The following CNTNAP2 variants were observed in gnomAD, a reference collection of about 807,000 sequenced individuals.
The protein encoded by CNTNAP2 is contactin-associated protein-like 2.
Under a neutral mutation model 155.2 loss-of-function variants are expected in CNTNAP2, and 98 were observed. The ratio of observed to expected loss-of-function variants is 0.63; its 90% CI spans 0.54 to 0.75. CNTNAP2 has a LOEUF of 0.75. CNTNAP2 is among the 30% of genes least tolerant of loss of function. The pLI is 0.00. For synonymous variants in CNTNAP2, 651 were observed against 631.2 expected, an observed-to-expected ratio of 1.03 and a Z score of -0.47; for missense variants, 1,727 against 1,688.1, an observed-to-expected ratio of 1.02 and a Z score of -0.40.
intron 13 of CNTNAP2, among the ~76,000 whole-genome samples, chr7:147,652,305 T>C (rs1795461126): frequency 6.6e-6 from 1 of 152,200 alleles, no homozygotes; most frequent in Admixed American, 6.5e-5. Flanking sequence ...ATGACCTTCA[T>C]CCCGTATCTT....
At chr7:148,037,366 G>C (rs1438849634) in intron 15 of CNTNAP2, among the ~76,000 whole-genome samples, 1 of 152,208 alleles carries the variant, frequency 6.6e-6, no homozygotes, top group East Asian at 1.9e-4. Context: ...AAGGCAGATA[G>C]TATGTGTATC....
At chr7:147,179,328 T>C (rs1420514703) in intron 8 of CNTNAP2, among the ~76,000 whole-genome samples, 1 of 152,186 alleles carries the variant, frequency 6.6e-6, no homozygotes, top group Non-Finnish European at 1.5e-5. Context: ...TTCAAGATTA[T>C]TGAAAGTGGT....
At chr7:148,365,663 T>C (rs754207331) in intron 21 of CNTNAP2, among the ~76,000 whole-genome samples, 7 of 147,588 alleles carry the variant, frequency 4.7e-5, no homozygotes, top group Non-Finnish European at 1.1e-4. Flanking sequence ...AGACTCCATC[T>C]CATATATACT....
chr7:147,738,808 C>A (rs1244789567), intron 13 of CNTNAP2, among the ~76,000 whole-genome samples: 2 of 151,946 alleles, frequency 1.3e-5, no homozygotes, highest in Non-Finnish European at 2.9e-5. Context: ...GCATGTGCCA[C>A]CGTGCACAGC....
At chr7:147,472,883 C>G (rs1208484981) in intron 10 of CNTNAP2, among the ~76,000 whole-genome samples, 1 of 152,124 alleles carries the variant, frequency 6.6e-6, no homozygotes, top group Admixed American at 6.6e-5. Flanking sequence ...TCTGATACCT[C>G]TAAGTGATTA....
At chr7:147,398,852 A>G (rs971759018) in intron 10 of CNTNAP2, among the ~76,000 whole-genome samples, 7 of 150,990 alleles carry the variant, frequency 4.6e-5, no homozygotes, top group African/African-American at 1.7e-4. Context: ...AGGAGAGATG[A>G]CAAACTCTAA....
intron 1 of CNTNAP2, among the ~76,000 whole-genome samples, chr7:146,689,743 T>G (rs1273447670): frequency 6.6e-6 from 1 of 152,186 alleles, no homozygotes; most frequent in Non-Finnish European, 1.5e-5. Context: ...AGAATATATT[T>G]GGTTTCTTCA....
intron 4 of CNTNAP2, among the ~76,000 whole-genome samples, chr7:147,063,767 T>C (rs1175004927): frequency 6.6e-6 from 1 of 152,104 alleles, no homozygotes; most frequent in Non-Finnish European, 1.5e-5. Context: ...AGTTTTAATT[T>C]ATATATAAAA....
At chr7:147,341,777 C>T (rs1217177986) in intron 9 of CNTNAP2, among the ~76,000 whole-genome samples, 53 of 90,820 alleles carry the variant, frequency 5.8e-4, no homozygotes, top group Non-Finnish European at 7.7e-4. Context: ...CATACACACA[C>T]ACACACACAC....
intron 13 of CNTNAP2, among the ~76,000 whole-genome samples, chr7:147,877,607 A>G (rs536437078): frequency 2.0e-5 from 3 of 152,296 alleles, no homozygotes; most frequent in Admixed American, 6.5e-5. Context: ...TAATTTTTAT[A>G]AATAATTGAA....
At chr7:148,099,171 G>A (rs564522736) in intron 15 of CNTNAP2, among the ~76,000 whole-genome samples, 18 of 152,206 alleles carry the variant, frequency 1.2e-4, no homozygotes, top group Non-Finnish European at 2.1e-4. Context: ...CCGTGCCTCA[G>A]TTTCCCCACA....
At chr7:146,277,880 T>C (rs1800188753) in intron 1 of CNTNAP2, among the ~76,000 whole-genome samples, 1 of 152,120 alleles carries the variant, frequency 6.6e-6, no homozygotes, top group African/African-American at 2.4e-5. Context: ...GTGGGTACTT[T>C]TCAACTGACT....
chr7:146,466,429 C>A (rs942220985), intron 1 of CNTNAP2, among the ~76,000 whole-genome samples: 2 of 152,162 alleles, frequency 1.3e-5, no homozygotes, highest in African/African-American at 4.8e-5. Context: ...ACAATGCTTA[C>A]CAAATGTGTT....
At chr7:146,587,032 TA>T (rs1171078035) in intron 1 of CNTNAP2, among the ~76,000 whole-genome samples, 5 of 123,502 alleles carry the variant, frequency 4.0e-5, no homozygotes, top group East Asian at 2.7e-4. Flanking sequence ...AGCATTGTTT[TA>T]TTTTTTTTTT....
chr7:147,656,672 C>A (rs552597674), intron 13 of CNTNAP2, among the ~76,000 whole-genome samples: 18 of 152,074 alleles, frequency 1.2e-4, no homozygotes, highest in African/African-American at 4.3e-4. Flanking sequence ...CACAGATCAC[C>A]ATAACAGATG....
In CNTNAP2 at chr7:146,176,452, T is replaced by G. The variant is rs548256987; in HGVS notation, c.97+59479T>G. ...CTAGGGGAAGTGATTTTGGCTCTCA[T>G]TTTTTATTGAAATAAAAATTGACAG... On this transcript the variant is annotated intron_variant, in intron 1 of 23. Transcript: ENST00000361727. Among the ~76,000 whole-genome samples the G allele has an allele frequency of 2.0e-5, 3 of 152,302 alleles. No homozygotes were observed. In the South Asian group the frequency reaches 6.2e-4, roughly 32 times the overall value.
At chr7:147,280,184 G>C (rs889876872) in intron 8 of CNTNAP2, among the ~76,000 whole-genome samples, 4 of 151,942 alleles carry the variant, frequency 2.6e-5, no homozygotes, top group African/African-American at 9.7e-5. Flanking sequence ...AAAATCAACA[G>C]TGAAAAGAGG....
At chr7:147,535,430 G>A (rs1054640039) in intron 11 of CNTNAP2, among the ~76,000 whole-genome samples, 6 of 151,812 alleles carry the variant, frequency 4.0e-5, no homozygotes, top group African/African-American at 1.5e-4. Context: ...ATAAAAAGGT[G>A]GCCACCAGCT....
chr7:147,911,433 G>A (rs62474778), intron 14 of CNTNAP2, among the ~76,000 whole-genome samples: 10,692 of 152,196 alleles, frequency 0.07, 393 homozygotes, highest in East Asian at 0.15. Flanking sequence ...TAATGGTCTC[G>A]AGGGGTCTTA....
Sources: gnomAD v4.1 joint callset for allele counts (sites outside exome capture counted in the v4.1 genomes callset) on GRCh38, gnomAD v4.1.1 for gene constraint, MANE v1.5 for transcripts, NCBI Gene and HGNC (gene_info 2026-07-23, HGNC 2026-07-21) for gene names.